Variants in GOLM2 observed in about 807,000 individuals in gnomAD.
GOLM2 encodes the protein golgi membrane protein 2, also known as protein GOLM2.
In GOLM2, 26 loss-of-function variants were observed where a neutral mutation model predicts 55.9. The ratio of observed to expected loss-of-function variants is 0.47; its 90% CI spans 0.34 to 0.65. The LOEUF is 0.65. GOLM2 is among the 30% of genes least tolerant of loss of function. GOLM2 has a pLI of 0.01. For missense variants in GOLM2, 486 were observed against 531.8 expected (o/e 0.91, Z 0.85); for synonymous variants, 165 against 194.6 (o/e 0.85, Z 1.27).
intron 6 of GOLM2, among the ~76,000 whole-genome samples, chr15:44,361,828 C>T (rs1306973109): frequency 6.6e-6 from 1 of 152,190 alleles, no homozygotes; most frequent in African/African-American, 2.4e-5. Flanking sequence ...AGCAGCACAT[C>T]AAAAAGCTTA....
chr15:44,400,574 C>A (rs78911148), intron 8 of GOLM2, among the ~76,000 whole-genome samples: 1 of 111,022 alleles, frequency 9.0e-6, no homozygotes, highest in Admixed American at 8.9e-5. Flanking sequence ...GCCTTGCCGC[C>A]TTTTTTTTTT....
intron 6 of GOLM2, among the ~76,000 whole-genome samples, chr15:44,352,477 A>G (rs1316668286): frequency 1.3e-5 from 2 of 152,158 alleles, no homozygotes; most frequent in Non-Finnish European, 2.9e-5. Flanking sequence ...TAAAAACAAC[A>G]TTGGGGAAAC....
chr15:44,392,608 C>T (rs909947632), intron 8 of GOLM2, among the ~76,000 whole-genome samples: 7 of 145,422 alleles, frequency 4.8e-5, no homozygotes, highest in South Asian at 2.2e-4. Flanking sequence ...GGTGACAAAG[C>T]GAGACTCGGT....
At position 44,337,895 on chromosome 15, in the gene GOLM2, C is replaced by G; in HGVS notation, c.709C>G (p.Pro237Ala). ...KNEEPSSNHIPHGKEQIKRGG... is the reference protein window; with the variant it reads ...KNEEPSSNHIAHGKEQIKRGG... ...TGAAGAACCCTCAAGCAATCATATTCCACATGGGAAAGGTATTATTGTTAT... is the reference window on the plus strand; with the variant it reads ...TGAAGAACCCTCAAGCAATCATATTGCACATGGGAAAGGTATTATTGTTAT... Residue 237 changes from proline to alanine, a missense_variant, in exon 5 of 10, where the codon CCA becomes GCA. Physicochemically the swap from Pro to Ala is conservative, Grantham distance 27. Coordinates refer to ENST00000299957, the MANE Select transcript of GOLM2 (RefSeq NM_138423.4). 6.3e-7 allele frequency: 1 copy of G among 1,592,306 alleles called. No homozygotes were observed. Among genetic ancestry groups the G allele is most frequent in the Non-Finnish European group, 8.5e-7 (1 of 1,174,570 alleles).
intron 6 of GOLM2, among the ~76,000 whole-genome samples, chr15:44,363,319 T>C (rs1172452603): frequency 6.6e-6 from 1 of 151,930 alleles, no homozygotes; most frequent in East Asian, 1.9e-4. Context: ...ATATCCAGAA[T>C]CTACAATGAA....
intron 6 of GOLM2, among the ~76,000 whole-genome samples, chr15:44,378,193 T>C (rs1033469357): frequency 4.0e-5 from 6 of 150,758 alleles, no homozygotes; most frequent in Admixed American, 6.6e-5. Flanking sequence ...GGACTACAGG[T>C]GCCCGCCACC....
At chr15:44,403,769 A>G (rs1386846053) in intron 9 of GOLM2, among the ~76,000 whole-genome samples, 2 of 152,192 alleles carry the variant, frequency 1.3e-5, no homozygotes, top group Non-Finnish European at 2.9e-5. Flanking sequence ...CTTTTTCGTT[A>G]TAAGGAAAGC....
intron 1 of GOLM2, among the ~76,000 whole-genome samples, chr15:44,291,110 T>TC (rs913887405): frequency 6.6e-6 from 1 of 150,914 alleles, no homozygotes; most frequent in Non-Finnish European, 1.5e-5. Context: ...GCCTCTTTTT[T>TC]TTTTTTTTTT....
At chr15:44,352,685 C>T (rs903580825) in intron 6 of GOLM2, among the ~76,000 whole-genome samples, 2 of 152,016 alleles carry the variant, frequency 1.3e-5, no homozygotes, top group African/African-American at 4.8e-5. Context: ...GCCGGCAGAT[C>T]ACCTGAGGTC....
In GOLM2 at chr15:44,322,913, AT is replaced by A; in HGVS notation, c.328-51del. ...CTCAAAGTGAATATGAACCAAAAAA[AT>A]GAACAAAACTACATATTTTTTAGTA... On this transcript the variant is annotated intron_variant, in intron 1 of 9. Coordinates refer to ENST00000299957, the MANE Select transcript of GOLM2 (RefSeq NM_138423.4). 3.0e-6 allele frequency: 4 copies of A among 1,341,010 alleles called. 1 individual carries two copies. Among genetic ancestry groups the A allele is most frequent in the Non-Finnish European group, 4.1e-6 (4 of 966,058 alleles). The allele number at this position is 1,341,010 out of a possible 1,614,324, so 83.1% of individuals were successfully genotyped here. A position where few individuals can be genotyped will look rare whatever the true frequency, so the allele number is the denominator to read the frequency against.
intron 6 of GOLM2, among the ~76,000 whole-genome samples, chr15:44,376,357 C>G (rs1172833901): frequency 6.6e-6 from 1 of 152,152 alleles, no homozygotes; most frequent in Non-Finnish European, 1.5e-5. Flanking sequence ...CCCTAGCCTC[C>G]TGGGCTCAAG....
chr15:44,340,772 A>G (rs1379868433), intron 6 of GOLM2, among the ~76,000 whole-genome samples: 4 of 152,168 alleles, frequency 2.6e-5, no homozygotes, highest in Non-Finnish European at 5.9e-5. Flanking sequence ...ATTTAAAGAA[A>G]TGTTCAGAGC....
At chr15:44,385,255 C>T (rs1054834000) in intron 8 of GOLM2, among the ~76,000 whole-genome samples, 1 of 152,020 alleles carries the variant, frequency 6.6e-6, no homozygotes. Context: ...ACTGCCAAAC[C>T]ATTTTCCACA....
intron 1 of GOLM2, among the ~76,000 whole-genome samples, chr15:44,314,252 AAAG>A (rs1385677321): frequency 6.6e-6 from 1 of 151,364 alleles, no homozygotes; most frequent in Non-Finnish European, 1.5e-5. Flanking sequence ...AAAAAAAAGA[AAAG>A]AAAAGAAAAT....
At chr15:44,335,881 C>A (rs909385763) in intron 4 of GOLM2, among the ~76,000 whole-genome samples, 3 of 147,386 alleles carry the variant, frequency 2.0e-5, no homozygotes, top group Non-Finnish European at 4.5e-5. Flanking sequence ...GTGGCCCGAT[C>A]TCGGCTCACT....
At chr15:44,338,725 T>G (rs540564153) in intron 6 of GOLM2, among the ~76,000 whole-genome samples, 7 of 152,316 alleles carry the variant, frequency 4.6e-5, no homozygotes, top group South Asian at 2.1e-4. Context: ...AGTTATTTAA[T>G]TATTTAGTTT....
Position 44,414,968 on chromosome 15 carries a change from T to C in GOLM2, c.*1562T>C, listed in dbSNP as rs1234535300. 1.3e-5 allele frequency: 2 copies of C among 152,602 alleles called. No homozygotes were observed. The highest frequency in any genetic ancestry group is 1.5e-5 in the Non-Finnish European group (1 of 68,034). The allele number at this position is 152,602 out of a possible 1,614,324, so 9.5% of individuals were successfully genotyped here. On this transcript the variant is annotated 3_prime_UTR_variant, in exon 10 of 10. Transcript: ENST00000299957. ...AAAGGTTTTGATCACAAGGGGAAATTTAAGATTGTTAACCCTGTTTTTCAG... is the reference window on the plus strand; with the variant it reads ...AAAGGTTTTGATCACAAGGGGAAATCTAAGATTGTTAACCCTGTTTTTCAG...
intron 2 of GOLM2, among the ~76,000 whole-genome samples, chr15:44,324,630 G>T (rs867909582): frequency 1.3e-5 from 2 of 151,982 alleles, no homozygotes; most frequent in Non-Finnish European, 2.9e-5. Context: ...AGGAAAGTTG[G>T]TTTTTTCAAT....
intron 1 of GOLM2, among the ~76,000 whole-genome samples, chr15:44,306,202 TA>T (rs1441331611): frequency 6.6e-6 from 1 of 152,246 alleles, no homozygotes; most frequent in African/African-American, 2.4e-5. Flanking sequence ...TTGTTTAGTG[TA>T]GCCACCTTCA....
Sources: allele counts gnomAD v4.1 joint callset (sites outside exome capture counted in the v4.1 genomes callset), GRCh38; gene constraint gnomAD v4.1.1; transcripts MANE v1.5; gene names NCBI Gene and HGNC (gene_info 2026-07-23, HGNC 2026-07-21).